Variants in CEP112 observed in about 807,000 individuals in gnomAD.
CEP112 encodes the protein centrosomal protein 112, also known as centrosomal protein of 112 kDa.
CEP112 carries 127 observed loss-of-function variants against 153.0 expected under a neutral mutation model. That is an observed-to-expected ratio of 0.83 (90% confidence interval 0.72 to 0.96). The LOEUF (loss-of-function observed/expected upper bound fraction) is 0.96, where lower values mean the gene tolerates loss of function less well. CEP112 is among the 40% of genes least tolerant of loss of function. The pLI is 0.00. For synonymous variants in CEP112, 358 were observed against 374.4 expected, an observed-to-expected ratio of 0.96 and a Z score of 0.51; for missense variants, 1,089 against 1,101.2, an observed-to-expected ratio of 0.99 and a Z score of 0.16.
At chr17:66,142,333 T>C (rs779880970) in intron 4 of CEP112, among the ~76,000 whole-genome samples, 1 of 152,230 alleles carries the variant, frequency 6.6e-6, no homozygotes, top group Non-Finnish European at 1.5e-5. Context: ...GATTGTTTGC[T>C]GTGCAGGAGA....
intron 16 of CEP112, among the ~76,000 whole-genome samples, chr17:66,026,190 G>A (rs1051481292): frequency 3.9e-5 from 6 of 151,996 alleles, no homozygotes; most frequent in Non-Finnish European, 7.4e-5. Flanking sequence ...TACATTATTT[G>A]GGTAATGGTT....
rs890185578 is a variant in CEP112, at chr17:65,771,798, T to C, written c.2395-21074A>G. On this transcript the variant is annotated intron_variant, in intron 21 of 26. Coordinates refer to ENST00000535342, the MANE Select transcript of CEP112 (RefSeq NM_001199165.4). ...GGGAGGCCAAGGCAGGAGAATTGCT[T>C]GAGGCCAGAAGTTCAAGATGAGCCT... Among the ~76,000 whole-genome samples, 6 of 152,140 alleles carry C rather than the reference T, an allele frequency of 3.9e-5. No individual in the cohort carries two copies. The East Asian group carries it at 1.2e-3, about 29-fold the overall frequency.
chr17:65,653,095 A>G (rs570935348), intron 24 of CEP112, among the ~76,000 whole-genome samples: 1 of 152,200 alleles, frequency 6.6e-6, no homozygotes, highest in African/African-American at 2.4e-5. Flanking sequence ...AGATCTAATT[A>G]CCTCCCAAAG....
intron 10 of CEP112, among the ~76,000 whole-genome samples, chr17:66,065,295 G>A (rs915987404): frequency 2.6e-5 from 4 of 152,112 alleles, no homozygotes; most frequent in African/African-American, 9.7e-5. Context: ...ATTTTATAAT[G>A]AGTAAACCAA....
intron 19 of CEP112, among the ~76,000 whole-genome samples, chr17:65,904,777 A>G (rs532579783): frequency 1.1e-4 from 16 of 152,360 alleles, no homozygotes; most frequent in Middle Eastern, 6.8e-3. Flanking sequence ...GGAACAGAAC[A>G]GAGGCATCAG....
At chr17:65,842,155 C>T (rs1286581155) in intron 21 of CEP112, among the ~76,000 whole-genome samples, 1 of 151,992 alleles carries the variant, frequency 6.6e-6, no homozygotes, top group Non-Finnish European at 1.5e-5. Flanking sequence ...GAATACAGAA[C>T]TCCAATTTTT....
At chr17:65,746,399 A>G (rs2051471625) in intron 22 of CEP112, among the ~76,000 whole-genome samples, 2 of 152,262 alleles carry the variant, frequency 1.3e-5, no homozygotes, top group South Asian at 2.1e-4. Context: ...GAATGTTAAA[A>G]CACTTCAGGT....
intron 24 of CEP112, among the ~76,000 whole-genome samples, chr17:65,657,774 T>C (rs547594999): frequency 1.3e-5 from 2 of 152,366 alleles, no homozygotes; most frequent in East Asian, 3.9e-4. Flanking sequence ...ATAAGGCTGA[T>C]ACTCAGTGAG....
intron 16 of CEP112, among the ~76,000 whole-genome samples, chr17:66,019,284 T>C (rs1173771961): frequency 2.3e-5 from 3 of 129,686 alleles, no homozygotes; most frequent in East Asian, 2.3e-4. Context: ...CCAAAAGTTA[T>C]TGAATGTGCA....
At chr17:65,711,774 C>A (rs2049196813) in intron 23 of CEP112, among the ~76,000 whole-genome samples, 1 of 152,162 alleles carries the variant, frequency 6.6e-6, no homozygotes, top group South Asian at 2.1e-4. Flanking sequence ...CAATAAAGTA[C>A]AAGAAGTGCA....
At chr17:66,017,061 A>C (rs866337749) in intron 16 of CEP112, among the ~76,000 whole-genome samples, 2 of 152,226 alleles carry the variant, frequency 1.3e-5, no homozygotes, top group Non-Finnish European at 2.9e-5. Flanking sequence ...ATAATAAATG[A>C]TCAGTATATG....
intron 24 of CEP112, among the ~76,000 whole-genome samples, chr17:65,654,021 T>A (rs1018594995): frequency 2.3e-5 from 3 of 129,112 alleles, no homozygotes; most frequent in African/African-American, 9.2e-5. Flanking sequence ...ATTGCGCCAC[T>A]GTACTCTAGC....
At chr17:65,926,204 G>A (rs541063105) in intron 19 of CEP112, among the ~76,000 whole-genome samples, 1 of 151,868 alleles carries the variant, frequency 6.6e-6, no homozygotes, top group African/African-American at 2.4e-5. Flanking sequence ...TATTTTCCTT[G>A]AACACTTCCA....
chr17:66,026,383 G>C (rs932958029), intron 16 of CEP112, among the ~76,000 whole-genome samples: 1 of 152,092 alleles, frequency 6.6e-6, no homozygotes, highest in Non-Finnish European at 1.5e-5. Flanking sequence ...ACATGTGTCA[G>C]TTGAAATAGT....
chr17:65,991,262 C>G (rs2063584346), intron 17 of CEP112, among the ~76,000 whole-genome samples: 1 of 152,036 alleles, frequency 6.6e-6, no homozygotes, highest in African/African-American at 2.4e-5. Context: ...AAGTGGAATC[C>G]AAGTTGATTT....
At chr17:65,813,958 T>C (rs918624526) in intron 21 of CEP112, among the ~76,000 whole-genome samples, 4 of 152,158 alleles carry the variant, frequency 2.6e-5, no homozygotes, top group Non-Finnish European at 4.4e-5. Context: ...ATCAATCTGT[T>C]GGGAGTGAAA....
intron 21 of CEP112, among the ~76,000 whole-genome samples, chr17:65,752,180 C>T (rs916910179): frequency 9.2e-5 from 14 of 152,036 alleles, no homozygotes; most frequent in Admixed American, 3.3e-4. Context: ...TTTCACCTGT[C>T]TGTTTTGGTC....
intron 24 of CEP112, among the ~76,000 whole-genome samples, chr17:65,651,641 C>T (rs1209912526): frequency 6.6e-6 from 1 of 151,672 alleles, no homozygotes; most frequent in Non-Finnish European, 1.5e-5. Context: ...TCCTTCCTTC[C>T]TCTCTTTCTT....
intron 20 of CEP112, among the ~76,000 whole-genome samples, chr17:65,886,520 A>G (rs2059283683): frequency 2.0e-5 from 3 of 152,340 alleles, no homozygotes; most frequent in Admixed American, 1.3e-4. Flanking sequence ...GAGCTAGATA[A>G]GAATAGGGAC....
Sources: allele counts gnomAD v4.1 joint callset (sites outside exome capture counted in the v4.1 genomes callset), GRCh38; gene constraint gnomAD v4.1.1; transcripts MANE v1.5; gene names NCBI Gene and HGNC (gene_info 2026-07-23, HGNC 2026-07-21).